Variants in AACS observed in about 807,000 individuals in gnomAD.
AACS encodes acetoacetyl-CoA synthetase.
A neutral mutation model predicts 83.1 loss-of-function variants in AACS; 69 were observed. The ratio of observed to expected loss-of-function variants is 0.83; its 90% CI spans 0.68 to 1.01. The LOEUF (loss-of-function observed/expected upper bound fraction) is 1.01, where lower values mean the gene tolerates loss of function less well. AACS is among the 50% of genes least tolerant of loss of function. The pLI is 0.00. For synonymous variants in AACS, 333 were observed against 343.4 expected, an observed-to-expected ratio of 0.97 and a Z score of 0.33; for missense variants, 866 against 882.2, an observed-to-expected ratio of 0.98 and a Z score of 0.23.
At chr12:125,098,453 CTT>C (rs796960647) in intron 5 of AACS, among the ~76,000 whole-genome samples, 1 of 143,506 alleles carries the variant, frequency 7.0e-6, no homozygotes, top group Non-Finnish European at 1.5e-5. Context: ...TTCTCATTAC[CTT>C]TTTTTTTTTT....
intron 17 of AACS, 134 bp from the exon 18 acceptor site, chr12:125,141,958 A>C (rs1565960264): frequency 9.2e-7 from 1 of 1,088,412 alleles, no homozygotes; most frequent in South Asian, 1.5e-5. Context: ...GAAGAGGGGC[A>C]TCTTAGAGCC....
rs1484654954 is a variant in AACS at position 125,097,254 on chromosome 12, T to C, written c.571-5425T>C. The stretch of plus-strand genomic sequence containing the variant: ...CAGAAGAAGAAGTAGTAGGAAATAG[T>C]CTTTGTCCACCAAGGACGTCACTGA... On this transcript the variant is annotated intron_variant, in intron 5 of 17. Coordinates refer to ENST00000316519, the MANE Select transcript of AACS (RefSeq NM_023928.5). This position sits in a 1 kb window ranked among gnomAD's most constrained non-coding sequence, Gnocchi z 4.3. 4.6e-5 allele frequency among the ~76,000 whole-genome samples: 7 copies of C among 152,044 alleles called. No individual in the cohort carries two copies. In the South Asian group the frequency reaches 1.2e-3, roughly 27 times the overall value.
chr12:125,134,093 T>C, intron 15 of AACS, 21 bp downstream of exon 15: 1 of 1,611,386 alleles, frequency 6.2e-7, no homozygotes, highest in Non-Finnish European at 8.5e-7. Flanking sequence ...CAGAGTCGGC[T>C]TCTCTTTCCT....
chr12:125,112,895 T>G (rs927771361), intron 8 of AACS, among the ~76,000 whole-genome samples: 1 of 152,168 alleles, frequency 6.6e-6, no homozygotes, highest in African/African-American at 2.4e-5. Context: ...TGAGACTTAT[T>G]TGCTACCATG....
At chr12:125,118,549 G>C (rs1957097962) in intron 9 of AACS, 92 bp from the exon 10 acceptor site, 8 of 1,548,198 alleles carry the variant, frequency 5.2e-6, no homozygotes, top group Admixed American at 1.9e-5. Context: ...CTCCATCTTA[G>C]GTGGTTTCCC....
At chr12:125,074,109 C>T (rs887696178) in intron 2 of AACS, 130 bp downstream of exon 2, 8 of 732,470 alleles carry the variant, frequency 1.1e-5, no homozygotes, top group Middle Eastern at 5.8e-4. Flanking sequence ...AGTCATTGCC[C>T]TAGAGAACTG....
At chr12:125,072,925 T>G (rs929928624) in intron 1 of AACS, among the ~76,000 whole-genome samples, 11 of 138,814 alleles carry the variant, frequency 7.9e-5, no homozygotes, top group Non-Finnish European at 1.6e-4. Flanking sequence ...TTTTGTTTTT[T>G]TTTTTTTTTT....
At chr12:125,118,492 G>T in intron 9 of AACS, 149 bp from the exon 10 acceptor site, 1 of 1,023,222 alleles carries the variant, frequency 9.8e-7, no homozygotes, top group East Asian at 2.7e-5. Flanking sequence ...GAGTTGCCGG[G>T]CCAGAGTGTC....
chr12:125,075,578 C>G (rs1430808657), intron 2 of AACS, among the ~76,000 whole-genome samples: 1 of 150,932 alleles, frequency 6.6e-6, no homozygotes, highest in Non-Finnish European at 1.5e-5. Flanking sequence ...AGGCGTGAGC[C>G]ACTGTGCCCA....
chr12:125,120,356 C>G (rs963579760), intron 10 of AACS: 1 of 152,126 alleles, frequency 6.6e-6, no homozygotes, highest in Admixed American at 6.5e-5. Context: ...ATGCTCTGTC[C>G]TAATTACATC....
At chr12:125,082,108 C>T (rs1173658823) in intron 3 of AACS, among the ~76,000 whole-genome samples, 1 of 151,376 alleles carries the variant, frequency 6.6e-6, no homozygotes, top group Non-Finnish European at 1.5e-5. Context: ...CTCCTGACCT[C>T]AAGTGATCTG....
intron 5 of AACS, chr12:125,100,779 C>G (rs1166594251): frequency 6.6e-6 from 1 of 152,190 alleles, no homozygotes; most frequent in Non-Finnish European, 1.5e-5. Flanking sequence ...TTTGAGCTGC[C>G]CAGCCTCCCT....
chr12:125,085,400 CCA>C (rs1435566805), intron 3 of AACS, among the ~76,000 whole-genome samples: 2 of 151,822 alleles, frequency 1.3e-5, no homozygotes, highest in African/African-American at 2.4e-5. Context: ...TTTCGTGGAA[CCA>C]CACACGTGCA....
intron 5 of AACS, among the ~76,000 whole-genome samples, chr12:125,100,565 ATTCACC>A (rs1956691479): frequency 6.6e-6 from 1 of 152,218 alleles, no homozygotes; most frequent in South Asian, 2.1e-4. Context: ...TTCTCTGTTA[ATTCACC>A]TTCTAGTTGG....
At position 125,128,291 on chromosome 12, in the gene AACS, C is replaced by T. The variant is rs1957277341; in HGVS notation, c.1423+17C>T. On this transcript the variant is annotated intron_variant, in intron 13 of 17. Transcript: ENST00000316519. ...ACGAGGAAGGTGATGGCTCCACCAA[C>T]TGTTTCTTTCTGTGATTAGGCGTGA... The T allele has an allele frequency of 6.2e-7, 1 of 1,602,258 alleles. No homozygotes were observed.
chr12:125,094,978 C>CGT lies in AACS; in HGVS notation c.570+3500_570+3501dup, dbSNP rs57643228. Among the ~76,000 whole-genome samples, 575 of 145,340 alleles carry CGT rather than the reference C, an allele frequency of 4.0e-3. 7 individuals carry two copies. The highest frequency in any genetic ancestry group is 4.8e-3 in the Non-Finnish European group (318 of 65,884). On this transcript the variant is annotated intron_variant, in intron 5 of 17. Transcript: ENST00000316519. This position sits in a 1 kb window ranked among gnomAD's most constrained non-coding sequence, Gnocchi z 4.1. ...TCCTCCTGAAGTGCCATCAGGTGGC[C>CGT]GTGTGTGTGTGTGTGTGTGTGTGTG...
At position 125,097,951 on chromosome 12, in the gene AACS, A is replaced by G. The variant is rs1231722873; in HGVS notation, c.571-4728A>G. The stretch of plus-strand genomic sequence containing the variant: ...TCTGTGACCCCGGCTAGGCACTGCC[A>G]TCTCTCACGCGTGCCGTCGTAGTAG... On this transcript the variant is annotated intron_variant, in intron 5 of 17. Transcript: ENST00000316519. This position sits in a 1 kb window ranked among gnomAD's most constrained non-coding sequence, Gnocchi z 4.3. 2.0e-5 allele frequency among the ~76,000 whole-genome samples: 3 copies of G among 152,186 alleles called. 1 individual carries two copies. Among genetic ancestry groups the G allele is most frequent in the Admixed American group, 2.0e-4 (3 of 15,280 alleles).
chr12:125,085,576 C>T (rs554691982), intron 3 of AACS, among the ~76,000 whole-genome samples: 7 of 149,018 alleles, frequency 4.7e-5, no homozygotes, highest in East Asian at 2.0e-4. Flanking sequence ...ACATGCACGT[C>T]GCATCCACGT....
rs922668916 is a variant in AACS at position 125,140,854 on chromosome 12, G to A, written c.1882-1238G>A. 5 of 152,216 alleles carry A rather than the reference G, an allele frequency of 3.3e-5. No individual in the cohort carries two copies. The highest frequency in any genetic ancestry group is 1.2e-4 in the African/African-American group (5 of 41,444). 9.4% of individuals were successfully genotyped at this position (152,216 alleles called of 1,614,324 possible). ...TTCATGGGAGCTTGGGGACACTCTT[G>A]CCTCTAGTTCTAGGAAGCTGGGCCA... On this transcript the variant is annotated intron_variant, in intron 17 of 17. Transcript: ENST00000316519. The surrounding 1 kb of genome is among the most constrained non-coding windows in gnomAD (Gnocchi z 5.1).
Sources: allele counts gnomAD v4.1 joint callset (sites outside exome capture counted in the v4.1 genomes callset), GRCh38; gene constraint gnomAD v4.1.1; non-coding constraint Gnocchi (gnomAD v3.1); transcripts MANE v1.5; gene names NCBI Gene and HGNC (gene_info 2026-07-23, HGNC 2026-07-21).